RIMBP2: variants seen among roughly 807,000 people sequenced by gnomAD.
RIMBP2 encodes RIMS-binding protein 2.
In RIMBP2, 48 loss-of-function variants were observed where a neutral mutation model predicts 118.6. That is an observed-to-expected ratio of 0.40 (90% confidence interval 0.32 to 0.51). The LOEUF is 0.51. RIMBP2 is among the 20% of genes least tolerant of loss of function. The pLI is 0.41. For missense variants in RIMBP2, 1,551 were observed against 1,768.3 expected, an observed-to-expected ratio of 0.88 and a Z score of 2.20; for synonymous variants, 762 against 742.9, an observed-to-expected ratio of 1.03 and a Z score of -0.42.
intron 2 of RIMBP2, among the ~76,000 whole-genome samples, chr12:130,536,974 T>C (rs535550972): frequency 1.1e-4 from 17 of 152,286 alleles, no homozygotes; most frequent in African/African-American, 4.1e-4. Flanking sequence ...CAACCCCAAA[T>C]TGGGAGATAT....
chr12:130,679,116 C>G (rs577177875), intron 1 of RIMBP2, among the ~76,000 whole-genome samples: 1 of 151,958 alleles, frequency 6.6e-6, no homozygotes, highest in Non-Finnish European at 1.5e-5. Flanking sequence ...CCAACAACAA[C>G]CAAAAAAAAG....
At chr12:130,518,047 G>A (rs182633732) in intron 2 of RIMBP2, 130 bp from the exon 3 acceptor site, 1 of 167,436 alleles carries the variant, frequency 6.0e-6, no homozygotes, top group Admixed American at 6.5e-5. Context: ...TCCATAAGCT[G>A]TGTATGAGTT....
Position 130,445,256 on chromosome 12 carries a change from C to T in RIMBP2, c.595G>A (p.Asp199Asn), listed in dbSNP as rs769007877. The T allele has an allele frequency of 1.2e-5, 19 of 1,612,452 alleles. No individual in the cohort carries two copies. Among genetic ancestry groups the T allele is most frequent in the Non-Finnish European group, 1.4e-5 (16 of 1,179,372 alleles). ...GCTTCGGGGTTCTCGTTCGGTCCAT[C>T]GAAGGGGTTGTAACTGCAGAGAAAA... ...CVARYSYNPFDGPNENPEAEL... is the reference protein window; with the variant it reads ...CVARYSYNPFNGPNENPEAEL... Residue 199 changes from aspartate (D) to asparagine (N), a missense_variant, in exon 10 of 23, where the codon GAT becomes AAT. By Grantham distance (23) the Asp-to-Asn change is conservative. Coordinates refer to ENST00000690449, the MANE Select transcript of RIMBP2 (RefSeq NM_001393629.1).
At chr12:130,590,446 T>C (rs1173328477) in intron 2 of RIMBP2, among the ~76,000 whole-genome samples, 4 of 151,786 alleles carry the variant, frequency 2.6e-5, no homozygotes, top group Non-Finnish European at 5.9e-5. Flanking sequence ...CCCATCAGAG[T>C]CCCCGCCAGA....
chr12:130,429,773 C>G (rs950336333), intron 14 of RIMBP2: 1 of 152,164 alleles, frequency 6.6e-6, no homozygotes, highest in Non-Finnish European at 1.5e-5. Context: ...GCCCCAAGCC[C>G]GTGAGAGGGA....
At chr12:130,677,934 G>A (rs140594703) in intron 1 of RIMBP2, among the ~76,000 whole-genome samples, 6 of 152,370 alleles carry the variant, frequency 3.9e-5, no homozygotes, top group Non-Finnish European at 8.8e-5. Context: ...CCCCGCAGAA[G>A]GCACCCCTCC....
At chr12:130,610,154 C>G (rs376664842) in intron 2 of RIMBP2, among the ~76,000 whole-genome samples, 1 of 148,558 alleles carries the variant, frequency 6.7e-6, no homozygotes, top group African/African-American at 2.5e-5. Flanking sequence ...AAATGGGAAG[C>G]CTGCTCCTCC....
At chr12:130,463,529 T>C (rs2080190838) in intron 6 of RIMBP2, among the ~76,000 whole-genome samples, 1 of 152,300 alleles carries the variant, frequency 6.6e-6, no homozygotes, top group African/African-American at 2.4e-5. Context: ...TGCCCTCCTC[T>C]GGCTTCCCGG....
At chr12:130,580,488 A>G (rs112407287) in intron 2 of RIMBP2, among the ~76,000 whole-genome samples, 5,356 of 152,296 alleles carry the variant, frequency 0.035, 307 homozygotes, top group African/African-American at 0.12. Flanking sequence ...CTCCACAGCC[A>G]TGTGGAACTG....
intron 21 of RIMBP2, among the ~76,000 whole-genome samples, chr12:130,405,160 G>A (rs1593178191): frequency 6.6e-6 from 1 of 152,092 alleles, no homozygotes; most frequent in South Asian, 2.1e-4. Context: ...GCATGCAAAC[G>A]TGAAATTCAT....
intron 2 of RIMBP2, among the ~76,000 whole-genome samples, chr12:130,536,178 TGAGA>T (rs947457212): frequency 4.6e-5 from 7 of 150,958 alleles, no homozygotes; most frequent in Middle Eastern, 3.4e-3. Flanking sequence ...TGTACAAAAA[TGAGA>T]GAGAGAGAGA....
rs572541038 is a variant in RIMBP2, at chr12:130,670,581, G to T, written c.-351-42125C>A. Among the ~76,000 whole-genome samples the T allele has an allele frequency of 3.3e-5, 5 of 152,148 alleles. No homozygotes were observed. The highest frequency in any genetic ancestry group is 3.3e-4 in the Admixed American group (5 of 15,276). On this transcript the variant is annotated intron_variant, in intron 1 of 22. Coordinates refer to ENST00000690449, the MANE Select transcript of RIMBP2 (RefSeq NM_001393629.1). This position sits in a 1 kb window ranked among gnomAD's most constrained non-coding sequence, Gnocchi z 4.9. Reference sequence around the variant, plus strand: ...TCAACATAAAGTTTACACTTGTTCAGCACCATGAAGCCGCCAGTCCGACAC... The same window carrying T: ...TCAACATAAAGTTTACACTTGTTCATCACCATGAAGCCGCCAGTCCGACAC...
intron 2 of RIMBP2, among the ~76,000 whole-genome samples, chr12:130,610,705 C>T (rs945306299): frequency 1.3e-5 from 2 of 151,242 alleles, no homozygotes; most frequent in Admixed American, 6.6e-5. Flanking sequence ...GGACTACAGG[C>T]GCCCGCTACC....
At chr12:130,713,253 GGAAGGAAGGAAGGAA>G (rs1393069959) in intron 1 of RIMBP2, among the ~76,000 whole-genome samples, 7 of 151,032 alleles carry the variant, frequency 4.6e-5, no homozygotes, top group Non-Finnish European at 3.0e-5. Flanking sequence ...AAGGAAGGAA[GGAAGGAAGGAAGGAA>G]GGAAGGACTG....
Position 130,469,831 on chromosome 12 carries a change from G to GGAGAGATT in RIMBP2, c.153+861_153+862insAATCTCTC, listed in dbSNP as rs2080844220. On this transcript the variant is annotated intron_variant, in intron 6 of 22. Transcript: ENST00000690449. This position sits in a 1 kb window ranked among gnomAD's most constrained non-coding sequence, Gnocchi z 4.8. ...ACCGGGAGGACGCCACCCCAGGGCA[G>GGAGAGATT]ATCCCCTCCGAGGTAAATCTCTCCT... Among the ~76,000 whole-genome samples, 2 of 152,214 alleles carry GGAGAGATT rather than the reference G, an allele frequency of 1.3e-5. No individual in the cohort carries two copies. Among genetic ancestry groups the GGAGAGATT allele is most frequent in the Non-Finnish European group, 2.9e-5 (2 of 68,038 alleles).
chr12:130,707,450 G>C (rs545081630), intron 1 of RIMBP2, among the ~76,000 whole-genome samples: 5 of 152,150 alleles, frequency 3.3e-5, no homozygotes, highest in Admixed American at 6.5e-5. Context: ...GTCAGGGAAG[G>C]CTTCTCAGAG....
chr12:130,463,540 C>T (rs912989761), intron 6 of RIMBP2, among the ~76,000 whole-genome samples: 2 of 152,168 alleles, frequency 1.3e-5, no homozygotes, highest in Non-Finnish European at 2.9e-5. Context: ...GGCTTCCCGG[C>T]CTCTGTGAAG....
intron 1 of RIMBP2, among the ~76,000 whole-genome samples, chr12:130,643,809 A>C (rs2062731184): frequency 6.6e-6 from 1 of 152,194 alleles, no homozygotes; most frequent in African/African-American, 2.4e-5. Context: ...ACACGCAAGC[A>C]GACAACAGCC....
rs934044886 is a variant in RIMBP2 at position 130,581,288 on chromosome 12, C to T, written c.-217+47034G>A. ...GGTTCAAACACAACAGGGTGGGGGG[C>T]GTGGATCTGGTGAGCTGAAGCCCAC... On this transcript the variant is annotated intron_variant, in intron 2 of 22. Coordinates refer to ENST00000690449, the MANE Select transcript of RIMBP2 (RefSeq NM_001393629.1). The surrounding 1 kb of genome is among the most constrained non-coding windows in gnomAD (Gnocchi z 4.4). Among the ~76,000 whole-genome samples, 1 of 149,948 alleles carries T rather than the reference C, an allele frequency of 6.7e-6. No individual in the cohort carries two copies. The highest frequency in any genetic ancestry group is 2.5e-5 in the African/African-American group (1 of 39,906).
Sources: gnomAD v4.1 joint callset for allele counts (sites outside exome capture counted in the v4.1 genomes callset) on GRCh38, gnomAD v4.1.1 for gene constraint, Gnocchi (gnomAD v3.1) non-coding constraint, MANE v1.5 for transcripts, NCBI Gene and HGNC (gene_info 2026-07-23, HGNC 2026-07-21) for gene names.